Variants in APPBP2 observed in about 807,000 individuals in gnomAD.
The protein encoded by APPBP2 is amyloid protein-binding protein 2.
In APPBP2, 15 loss-of-function variants were observed where a neutral mutation model predicts 76.0. The ratio of observed to expected loss-of-function variants is 0.20; its 90% CI spans 0.13 to 0.30. APPBP2 has a LOEUF of 0.30. Among genes scored for constraint, APPBP2 ranks in the 10% least tolerant of loss-of-function variants. The probability of loss-of-function intolerance (pLI) is 1.00; values close to 1 mark genes in which losing one functional copy is unlikely to be tolerated. For missense variants in APPBP2, 401 were observed against 687.2 expected (o/e 0.58, Z 4.66); for synonymous variants, 222 against 242.2 (o/e 0.92, Z 0.77).
rs115683746 is a variant in APPBP2, at chr17:60,454,597, T to C, written c.1148-105A>G. On this transcript the variant is annotated intron_variant, in intron 10 of 12. Coordinates refer to ENST00000083182, the MANE Select transcript of APPBP2 (RefSeq NM_006380.5). ...AATATAAATGTTTACTGAATATATTTATATGTGATTATGGTTTGGAACTGG... is the reference window on the plus strand; with the variant it reads ...AATATAAATGTTTACTGAATATATTCATATGTGATTATGGTTTGGAACTGG... The C allele has an allele frequency of 2.0e-4, 136 of 687,880 alleles. No individual in the cohort carries two copies. In the African/African-American group the frequency reaches 2.2e-3, roughly 11 times the overall value. The allele number at this position is 687,880 out of a possible 1,614,324, so 42.6% of individuals were successfully genotyped here. A position where few individuals can be genotyped will look rare whatever the true frequency, so the allele number is the denominator to read the frequency against.
At chr17:60,466,605 G>A (rs2090513324) in intron 4 of APPBP2, 146 bp from the exon 5 acceptor site, 1 of 732,482 alleles carries the variant, frequency 1.4e-6, no homozygotes. Context: ...CCAAATTGGA[G>A]TTGACCTCAT....
intron 1 of APPBP2, among the ~76,000 whole-genome samples, chr17:60,509,973 TG>T: frequency 6.6e-6 from 1 of 152,336 alleles, no homozygotes; most frequent in African/African-American, 2.4e-5. Flanking sequence ...ATTCTATTTC[TG>T]TATGTATTTA....
chr17:60,500,551 AT>A, intron 1 of APPBP2, 64 bp from the exon 2 acceptor site: 1 of 1,124,414 alleles, frequency 8.9e-7, no homozygotes, highest in Non-Finnish European at 1.3e-6. Flanking sequence ...CTTTAATCAT[AT>A]TTGATAAATG....
At chr17:60,460,871 T>A (rs2090471239) in intron 8 of APPBP2, 84 bp from the exon 9 acceptor site, 37 of 1,387,496 alleles carry the variant, frequency 2.7e-5, no homozygotes, top group Non-Finnish European at 3.6e-5. Context: ...TAAATATATA[T>A]CTATATGCCT....
rs543206742 is a variant in APPBP2 at position 60,491,414 on chromosome 17, T to C, written c.379+3052A>G. 3.9e-5 allele frequency among the ~76,000 whole-genome samples: 6 copies of C among 152,140 alleles called. No individual in the cohort carries two copies. The East Asian group carries it at 9.7e-4, about 25-fold the overall frequency. ...GCTGTTAAAAGCATTGTCTCATTTA[T>C]TTTTATTTTTTTATTTTTATTTTTT... On this transcript the variant is annotated intron_variant, in intron 3 of 12. Coordinates refer to ENST00000083182, the MANE Select transcript of APPBP2 (RefSeq NM_006380.5).
intron 9 of APPBP2, among the ~76,000 whole-genome samples, chr17:60,457,482 A>G (rs2090439922): frequency 6.6e-6 from 1 of 152,032 alleles, no homozygotes; most frequent in African/African-American, 2.4e-5. Flanking sequence ...GCTGGAGTAC[A>G]GTGATGCAAT....
chr17:60,486,783 G>A (rs113608437), intron 3 of APPBP2, among the ~76,000 whole-genome samples: 4 of 152,082 alleles, frequency 2.6e-5, no homozygotes, highest in Admixed American at 6.6e-5. Flanking sequence ...AGTTTCTTCC[G>A]AGCATCGATG....
rs868683902 is a variant in APPBP2, at chr17:60,518,358, C to T, written c.138+7436G>A. 2.3e-3 allele frequency among the ~76,000 whole-genome samples: 207 copies of T among 89,038 alleles called. 4 individuals are homozygous for T. Among genetic ancestry groups the T allele is most frequent in the Middle Eastern group, 5.6e-3 (1 of 178 alleles). 58.4% of individuals were successfully genotyped at this position (89,038 alleles called of 152,430 possible). A position where few individuals can be genotyped will look rare whatever the true frequency, so the allele number is the denominator to read the frequency against. ...TACCATGCCCAGCCGTGTGTGCGTG[C>T]GTGTGTGTGTGTGTGTGTGTGTGTG... is the stretch of plus-strand genomic sequence containing the variant. On this transcript the variant is annotated intron_variant, in intron 1 of 12. Coordinates refer to ENST00000083182, the MANE Select transcript of APPBP2 (RefSeq NM_006380.5).
intron 1 of APPBP2, among the ~76,000 whole-genome samples, chr17:60,523,450 T>A (rs1237217640): frequency 3.3e-5 from 5 of 151,898 alleles, no homozygotes; most frequent in African/African-American, 1.2e-4. Context: ...TGAGCTATGA[T>A]CACAACTGCA....
chr17:60,489,805 G>A (rs1194400113), intron 3 of APPBP2, among the ~76,000 whole-genome samples: 2 of 152,010 alleles, frequency 1.3e-5, no homozygotes, highest in East Asian at 1.9e-4. Context: ...GGTGGCAGAG[G>A]TGGGTGGACC....
intron 1 of APPBP2, among the ~76,000 whole-genome samples, chr17:60,520,629 A>G (rs1034109240): frequency 3.3e-5 from 5 of 152,114 alleles, no homozygotes; most frequent in Admixed American, 3.3e-4. Context: ...CACACTGCTG[A>G]AACACTTCAC....
chr17:60,475,711 A>C (rs60423614), intron 4 of APPBP2, among the ~76,000 whole-genome samples: 12,251 of 150,162 alleles, frequency 0.082, 1,678 homozygotes, highest in African/African-American at 0.29. Context: ...CCCACCCCAC[A>C]GTCCAGTAGT....
At chr17:60,490,217 C>T (rs1372424528) in intron 3 of APPBP2, among the ~76,000 whole-genome samples, 1 of 151,992 alleles carries the variant, frequency 6.6e-6, no homozygotes, top group East Asian at 1.9e-4. Context: ...CTAAGTAAGG[C>T]CAGTAGTCTA....
intron 2 of APPBP2, among the ~76,000 whole-genome samples, chr17:60,497,383 G>C (rs956704032): frequency 3.3e-5 from 5 of 152,022 alleles, no homozygotes; most frequent in African/African-American, 1.2e-4. Flanking sequence ...AAATGAAGAT[G>C]GTTAATGGGT....
At chr17:60,498,169 C>A (rs2090791940) in intron 2 of APPBP2, among the ~76,000 whole-genome samples, 1 of 151,980 alleles carries the variant, frequency 6.6e-6, no homozygotes, top group Non-Finnish European at 1.5e-5. Context: ...AAAGCCAGAT[C>A]TGTAGCTACT....
In APPBP2 at chr17:60,444,210, A is replaced by C. The variant is rs1013786637; in HGVS notation, c.*3371T>G. ...GTACACATCCACTTCTAAAGCAAAG[A>C]TAAAACCCCAAAAACTTTGTACTTA... On this transcript the variant is annotated 3_prime_UTR_variant, in exon 13 of 13. Coordinates refer to ENST00000083182, the MANE Select transcript of APPBP2 (RefSeq NM_006380.5). 11 of 152,596 alleles carry C rather than the reference A, an allele frequency of 7.2e-5. No homozygotes were observed. Among genetic ancestry groups the C allele is most frequent in the African/African-American group, 2.4e-4 (10 of 41,436 alleles). 9.5% of individuals were successfully genotyped at this position (152,596 alleles called of 1,614,324 possible).
chr17:60,458,649 GCATGGCTATGTTC>G (rs1481873310), intron 9 of APPBP2, among the ~76,000 whole-genome samples: 1 of 152,142 alleles, frequency 6.6e-6, no homozygotes, highest in Non-Finnish European at 1.5e-5. Flanking sequence ...GAATGAATGA[GCATGGCTATGTTC>G]CAGTAAAACA....
intron 3 of APPBP2, among the ~76,000 whole-genome samples, chr17:60,481,975 T>C (rs2090633889): frequency 6.6e-6 from 1 of 152,178 alleles, no homozygotes; most frequent in African/African-American, 2.4e-5. Context: ...CTCCGCCTCC[T>C]GGGTTCAAGT....
At chr17:60,524,610 G>GAAAAAAAAAA (rs35185909) in intron 1 of APPBP2, among the ~76,000 whole-genome samples, 4 of 49,936 alleles carry the variant, frequency 8.0e-5, no homozygotes, top group African/African-American at 1.4e-4. Context: ...TGCTAATTCT[G>GAAAAAAAAAA]AAAAAAAAAA....
Sources: gnomAD v4.1 joint callset for allele counts (sites outside exome capture counted in the v4.1 genomes callset) on GRCh38, gnomAD v4.1.1 for gene constraint, MANE v1.5 for transcripts, NCBI Gene and HGNC (gene_info 2026-07-23, HGNC 2026-07-21) for gene names.